Variants in C5 observed in about 807,000 individuals in gnomAD.
The protein encoded by C5 is complement C5.
Under a neutral mutation model 218.8 loss-of-function variants are expected in C5, and 140 were observed. The ratio of observed to expected loss-of-function variants is 0.64; its 90% CI spans 0.56 to 0.74. The LOEUF (loss-of-function observed/expected upper bound fraction) is 0.74. Ranked by LOEUF, C5 falls within the 30% of genes least tolerant of loss-of-function variation. C5 has a pLI of 0.00. For missense variants in C5, 1,700 were observed against 1,969.6 expected, an observed-to-expected ratio of 0.86 and a Z score of 2.59; for synonymous variants, 614 against 682.3, an observed-to-expected ratio of 0.90 and a Z score of 1.56.
intron 28 of C5, 83 bp downstream of exon 28, chr9:120,980,000 A>C: frequency 9.8e-6 from 12 of 1,226,518 alleles, no homozygotes; most frequent in Admixed American, 1.7e-5. Flanking sequence ...ACTCAAGTTC[A>C]CATGTCACCA....
chr9:121,015,307 T>G, intron 15 of C5, 46 bp from the exon 16 acceptor site: 4 of 1,323,910 alleles, frequency 3.0e-6, no homozygotes, highest in Non-Finnish European at 4.3e-6. Flanking sequence ...AAAAAGGAGA[T>G]AAAATCTCAA....
At chr9:121,010,420 A>T (rs2047251986) in intron 17 of C5, among the ~76,000 whole-genome samples, 1 of 152,222 alleles carries the variant, frequency 6.6e-6, no homozygotes, top group South Asian at 2.1e-4. Context: ...TAGGAATTAA[A>T]TTAACCAAAG....
chr9:120,988,927 A>C, intron 25 of C5, 119 bp downstream of exon 25: 1 of 778,734 alleles, frequency 1.3e-6, no homozygotes, highest in South Asian at 1.4e-5. Context: ...GAAAGAGAGG[A>C]GTGAAGGATG....
intron 7 of C5, among the ~76,000 whole-genome samples, chr9:121,029,934 G>A (rs2047459591): frequency 6.6e-6 from 1 of 152,176 alleles, no homozygotes; most frequent in Non-Finnish European, 1.5e-5. Flanking sequence ...CCAACTGGCT[G>A]CAGCTACATG....
At chr9:120,977,047 T>C in intron 28 of C5, 142 bp from the exon 29 acceptor site, 1 of 714,698 alleles carries the variant, frequency 1.4e-6, no homozygotes, top group Non-Finnish European at 2.5e-6. Context: ...AGATGACCAA[T>C]GCAAAACGAG....
chr9:121,006,837 T>A, intron 19 of C5, 67 bp downstream of exon 19: 1 of 1,119,038 alleles, frequency 8.9e-7, no homozygotes, highest in Non-Finnish European at 1.4e-6. Flanking sequence ...AAATAGATAC[T>A]AACAAAGAAT....
intron 33 of C5, among the ~76,000 whole-genome samples, chr9:120,965,824 A>C (rs2046863443): frequency 1.3e-5 from 2 of 152,142 alleles, no homozygotes; most frequent in African/African-American, 4.8e-5. Context: ...GTGTCTATGA[A>C]AAGGTTGCTG....
chr9:120,960,508 T>C (rs1227109897), intron 37 of C5, among the ~76,000 whole-genome samples, 171 bp from the exon 38 acceptor site: 1 of 152,096 alleles, frequency 6.6e-6, no homozygotes, highest in Non-Finnish European at 1.5e-5. Context: ...AAATATTACA[T>C]AAAGAAAACA....
intron 2 of C5, among the ~76,000 whole-genome samples, chr9:121,044,990 CCTAGG>C (rs71508129): frequency 0.016 from 2,310 of 144,976 alleles, 22 homozygotes; most frequent in Middle Eastern, 0.027. Context: ...CACTCTGTTG[CCTAGG>C]CTGGAGTGCA....
intron 3 of C5, among the ~76,000 whole-genome samples, chr9:121,040,470 TC>T (rs563112701): frequency 6.6e-6 from 1 of 152,156 alleles, no homozygotes; most frequent in Non-Finnish European, 1.5e-5. Flanking sequence ...ACACTAAAAA[TC>T]CCTCAAGAAT....
chr9:121,019,900 T>C, intron 12 of C5, 76 bp downstream of exon 12: 1 of 907,158 alleles, frequency 1.1e-6, no homozygotes, highest in Non-Finnish European at 1.8e-6. Flanking sequence ...AAAGGATAAT[T>C]CTAATGCCTC....
chr9:121,040,533 A>T (rs2047568617), intron 3 of C5, among the ~76,000 whole-genome samples: 1 of 152,234 alleles, frequency 6.6e-6, no homozygotes, highest in African/African-American at 2.4e-5. Flanking sequence ...TAACAAGACG[A>T]TTAAAAAATA....
rs2046982002 is a variant in C5, at chr9:120,980,236, T to C, written c.3505A>G (p.Ile1169Val). 1.9e-5 allele frequency: 30 copies of C among 1,614,148 alleles called. No homozygotes were observed. The highest frequency in any genetic ancestry group is 2.1e-5 in the Non-Finnish European group (25 of 1,179,996). The part of the protein sequence containing the change: ...CPLVKIDTAL[I>V]KADNFLLENT... ...TCAAGCAGAAAGTTGTCAGCTTTAA[T>C]TAGAGCTGTGTCGATTTTCTGGAAA... The change falls in exon 28 of 41, where the codon ATT (isoleucine) becomes GTT (valine). Residue 1169 changes from isoleucine (I) to valine (V), a missense_variant. Coordinates refer to ENST00000223642, the MANE Select transcript of C5 (RefSeq NM_001735.3).
At chr9:121,046,504 A>G (rs914709063) in intron 1 of C5, 121 bp from the exon 2 acceptor site, 1 of 706,722 alleles carries the variant, frequency 1.4e-6, no homozygotes, top group East Asian at 2.8e-5. Flanking sequence ...TCACTTAAAA[A>G]TGATACTAAT....
chr9:121,052,327 G>T (rs2047676280), upstream of C5, among the ~76,000 whole-genome samples: 1 of 151,744 alleles, frequency 6.6e-6, no homozygotes, highest in African/African-American at 2.4e-5. Flanking sequence ...CGTGGTGGCG[G>T]GTGCCTGTAA....
chr9:121,030,553 C>G, intron 6 of C5, 66 bp from the exon 7 acceptor site: 2 of 869,200 alleles, frequency 2.3e-6, no homozygotes, highest in Non-Finnish European at 3.6e-6. Context: ...GCCTAGCAAA[C>G]AGCTAGACTT....
chr9:121,059,420 C>A, the C5 span, among the ~76,000 whole-genome samples: 1 of 152,220 alleles, frequency 6.6e-6, no homozygotes, highest in South Asian at 2.1e-4. This position sits in a 1 kb window ranked among gnomAD's most constrained non-coding sequence, Gnocchi z 4.1. Flanking sequence ...GTACCCTAGA[C>A]CTTCTAATGA....
intron 30 of C5, among the ~76,000 whole-genome samples, chr9:120,972,630 T>C (rs1402860189): frequency 6.6e-6 from 1 of 152,194 alleles, no homozygotes; most frequent in African/African-American, 2.4e-5. Flanking sequence ...ACTGAAGACA[T>C]AAACGGAGTT....
chr9:121,064,068 C>A, the C5 span, among the ~76,000 whole-genome samples: 1 of 152,076 alleles, frequency 6.6e-6, no homozygotes, highest in Non-Finnish European at 1.5e-5. Flanking sequence ...TCTTCCATTT[C>A]AGTTCTTTTA....
Sources: gnomAD v4.1 joint callset for allele counts (sites outside exome capture counted in the v4.1 genomes callset) on GRCh38, gnomAD v4.1.1 for gene constraint, Gnocchi (gnomAD v3.1) non-coding constraint, MANE v1.5 for transcripts, NCBI Gene and HGNC (gene_info 2026-07-23, HGNC 2026-07-21) for gene names.